Variants in FMNL2 observed in about 807,000 individuals in gnomAD.
FMNL2 encodes formin-like protein 2.
FMNL2 carries 51 observed loss-of-function variants against 130.2 expected under a neutral mutation model. That is an observed-to-expected ratio of 0.39 (90% confidence interval 0.31 to 0.49). The LOEUF is 0.49. FMNL2 is among the 20% of genes least tolerant of loss of function. FMNL2 has a pLI of 0.85. For synonymous variants in FMNL2, 465 were observed against 467.1 expected, an observed-to-expected ratio of 1.00 and a Z score of 0.06; for missense variants, 977 against 1,316.2, an observed-to-expected ratio of 0.74 and a Z score of 3.99.
intron 1 of FMNL2, among the ~76,000 whole-genome samples, chr2:152,404,872 G>A (rs1200918820): frequency 6.6e-6 from 1 of 152,178 alleles, no homozygotes. Context: ...AGAACATTGT[G>A]TGTTGATGTC....
chr2:152,565,006 T>C (rs1695752563), intron 6 of FMNL2, among the ~76,000 whole-genome samples: 1 of 152,134 alleles, frequency 6.6e-6, no homozygotes, highest in African/African-American at 2.4e-5. Flanking sequence ...TGTATTGTCT[T>C]CTAAAATTAG....
intron 4 of FMNL2, among the ~76,000 whole-genome samples, chr2:152,549,896 C>A (rs1694843197): frequency 6.6e-6 from 1 of 152,154 alleles, no homozygotes; most frequent in Admixed American, 6.5e-5. Flanking sequence ...ATTCTTTGAG[C>A]TTTACAATGA....
chr2:152,618,409 C>A (rs539156742), intron 13 of FMNL2, among the ~76,000 whole-genome samples: 3 of 152,266 alleles, frequency 2.0e-5, no homozygotes, highest in Non-Finnish European at 2.9e-5. Context: ...GATTTTTAAT[C>A]CCAGTCTGAT....
At chr2:152,505,300 G>T (rs1692103200) in intron 1 of FMNL2, among the ~76,000 whole-genome samples, 1 of 152,124 alleles carries the variant, frequency 6.6e-6, no homozygotes, top group African/African-American at 2.4e-5. Flanking sequence ...TAATGAGTAA[G>T]AAATGTTGTT....
chr2:152,555,156 T>C (rs904329273), intron 4 of FMNL2, among the ~76,000 whole-genome samples: 3 of 152,204 alleles, frequency 2.0e-5, no homozygotes, highest in Non-Finnish European at 2.9e-5. Context: ...TGTCAACAGA[T>C]TGAAAACAAC....
rs151056345 is a variant in FMNL2, at chr2:152,339,702, C to A, written c.117+3982C>A. Among the ~76,000 whole-genome samples the A allele has an allele frequency of 2.6e-5, 4 of 152,264 alleles. No individual in the cohort carries two copies. The East Asian group carries it at 7.7e-4, about 29-fold the overall frequency. ...TTGGTATCAGGAACTGCTTTGGTAT[C>A]TGATTAATTTGAGTCCATTTCCTTC... is the stretch of plus-strand genomic sequence containing the variant. On this transcript the variant is annotated intron_variant, in intron 1 of 25. Coordinates refer to ENST00000288670, the MANE Select transcript of FMNL2 (RefSeq NM_052905.4).
rs1296299490 is a variant in FMNL2 at position 152,607,353 on chromosome 2, A to C, written c.891A>C (p.Lys297Asn). Residue 297 changes from lysine (K) to asparagine (N), a missense_variant, in exon 10 of 26, where the codon AAA becomes AAC. Physicochemically the swap from Lys to Asn is moderately conservative, Grantham distance 94. Transcript: ENST00000288670. ...FDNFKEVCGEKQRFEKLMEHF... is the reference protein window; with the variant it reads ...FDNFKEVCGENQRFEKLMEHF... ...GTGTGTTTCAGGTTTGTGGAGAAAAACAGCGCTTTGAGAAGTTGATGGAAC... is the reference window on the plus strand; with the variant it reads ...GTGTGTTTCAGGTTTGTGGAGAAAACCAGCGCTTTGAGAAGTTGATGGAAC... 6.2e-7 allele frequency: 1 copy of C among 1,613,454 alleles called. No individual in the cohort carries two copies. Among genetic ancestry groups the C allele is most frequent in the Non-Finnish European group, 8.5e-7 (1 of 1,179,706 alleles).
intron 18 of FMNL2, among the ~76,000 whole-genome samples, chr2:152,629,299 A>G (rs1682008604): frequency 6.6e-6 from 1 of 151,958 alleles, no homozygotes; most frequent in Non-Finnish European, 1.5e-5. Context: ...AAAAATATTA[A>G]TTGTATGACA....
intron 2 of FMNL2, among the ~76,000 whole-genome samples, chr2:152,523,182 C>G (rs1254938031): frequency 6.6e-6 from 1 of 151,962 alleles, no homozygotes; most frequent in Non-Finnish European, 1.5e-5. Flanking sequence ...CCAAAAGAAA[C>G]TATATAAATA....
At chr2:152,647,594 G>A (rs1486996199) in intron 25 of FMNL2, among the ~76,000 whole-genome samples, 2 of 152,192 alleles carry the variant, frequency 1.3e-5, no homozygotes, top group Non-Finnish European at 2.9e-5. Context: ...AATCCTACCA[G>A]TATTACATCC....
intron 2 of FMNL2, among the ~76,000 whole-genome samples, chr2:152,536,426 G>A (rs536155988): frequency 5.9e-5 from 9 of 152,266 alleles, no homozygotes; most frequent in African/African-American, 2.2e-4. Context: ...CTCATTTAGA[G>A]ACTGCAGTTT....
At chr2:152,510,476 G>A (rs1579845089) in intron 1 of FMNL2, among the ~76,000 whole-genome samples, 1 of 152,240 alleles carries the variant, frequency 6.6e-6, no homozygotes. Context: ...GTTGTTTTGG[G>A]AATTCTTCTA....
intron 9 of FMNL2, among the ~76,000 whole-genome samples, chr2:152,596,101 T>C (rs1697758743): frequency 6.6e-6 from 1 of 151,300 alleles, no homozygotes; most frequent in South Asian, 2.1e-4. Context: ...CGGCTGGGAT[T>C]ATAGGCATGT....
chr2:152,483,730 C>G (rs1430273422), intron 1 of FMNL2, among the ~76,000 whole-genome samples: 1 of 152,228 alleles, frequency 6.6e-6, no homozygotes, highest in Non-Finnish European at 1.5e-5. Context: ...TAGCAGTGAG[C>G]CTGCCAAGGC....
intron 1 of FMNL2, among the ~76,000 whole-genome samples, chr2:152,520,055 T>A (rs1339819696): frequency 6.6e-6 from 1 of 152,188 alleles, no homozygotes; most frequent in Non-Finnish European, 1.5e-5. Context: ...ACACATGAAA[T>A]TCTCCTTTGC....
intron 17 of FMNL2, among the ~76,000 whole-genome samples, chr2:152,627,034 T>C (rs765729447): frequency 1.5e-4 from 23 of 152,228 alleles, no homozygotes; most frequent in Non-Finnish European, 2.8e-4. Flanking sequence ...GTCTACTCTC[T>C]TATGCGGGCC....
chr2:152,365,603 C>T lies in FMNL2; in HGVS notation c.117+29883C>T, dbSNP rs536419104. Among the ~76,000 whole-genome samples the T allele has an allele frequency of 9.1e-4, 138 of 152,174 alleles. 1 individual carries two copies. The highest frequency in any genetic ancestry group is 3.0e-3 in the African/African-American group (126 of 41,526). On this transcript the variant is annotated intron_variant, in intron 1 of 25. Transcript: ENST00000288670. ...CTTGGCCAACATGGTGAAACCCCAT[C>T]TCTACAACAAATACAAAAAATTAGC...
intron 1 of FMNL2, among the ~76,000 whole-genome samples, chr2:152,471,814 C>A (rs1329343988): frequency 1.3e-5 from 2 of 152,114 alleles, no homozygotes; most frequent in Non-Finnish European, 1.5e-5. Context: ...CGGAAGTCCA[C>A]CTTGGTGTGT....
chr2:152,609,533 C>A (rs1698570005), intron 10 of FMNL2, among the ~76,000 whole-genome samples: 1 of 152,034 alleles, frequency 6.6e-6, no homozygotes, highest in African/African-American at 2.4e-5. Flanking sequence ...AAAACAAAAA[C>A]CATTTTGTTT....
Sources: gnomAD v4.1 joint callset for allele counts (sites outside exome capture counted in the v4.1 genomes callset) on GRCh38, gnomAD v4.1.1 for gene constraint, MANE v1.5 for transcripts, NCBI Gene and HGNC (gene_info 2026-07-23, HGNC 2026-07-21) for gene names.